The following UGT1A6 variants were observed in gnomAD, a reference collection of about 807,000 sequenced individuals.
UGT1A6 encodes UDP-glucuronosyltransferase 1A6.
Under a neutral mutation model 44.4 loss-of-function variants are expected in UGT1A6, and 32 were observed. The ratio of observed to expected loss-of-function variants is 0.72; its 90% CI spans 0.54 to 0.97. UGT1A6 has a LOEUF of 0.97. Ranked by LOEUF, UGT1A6 falls within the 50% of genes least tolerant of loss-of-function variation. The pLI, the probability that UGT1A6 is intolerant of heterozygous loss-of-function variation, is 0.00. For synonymous variants in UGT1A6, 238 were observed against 248.5 expected (o/e 0.96, Z 0.40); for missense variants, 685 against 661.9 (o/e 1.03, Z -0.38).
Position 233,724,346 on chromosome 2 carries a change from C to G in UGT1A6, c.861+30481C>G, listed in dbSNP as rs1441595042. On this transcript the variant is annotated intron_variant, in intron 1 of 4. Coordinates refer to ENST00000305139, the MANE Select transcript of UGT1A6 (RefSeq NM_001072.4). ...CTGGCCAGGCGGGGGGCTGACCCCC[C>G]CCACCTCCCTCCCGGACGGGGTGGC... 6.3e-4 allele frequency among the ~76,000 whole-genome samples: 93 copies of G among 148,184 alleles called. 1 individual carries two copies. The highest frequency in any genetic ancestry group is 1.0e-3 in the Non-Finnish European group (69 of 66,790).
chr2:233,715,559 C>T (rs1347075985), intron 1 of UGT1A6, among the ~76,000 whole-genome samples: 1 of 152,016 alleles, frequency 6.6e-6, no homozygotes, highest in South Asian at 2.1e-4. Context: ...ATTGCTTGAG[C>T]CCAGGAGTCT....
intron 1 of UGT1A6, chr2:233,747,707 A>C (rs1693758037): frequency 1.2e-6 from 2 of 1,612,800 alleles, no homozygotes; most frequent in East Asian, 4.5e-5. Context: ...CTAAGTACCT[A>C]TCAATTCCTG....
chr2:233,769,856 T>TAAA lies in UGT1A6; in HGVS notation c.1301+1417_1301+1418insAAA. ...CTGGGCAACAGAGTGAGACCCTGTCTCAAAAAAAAAAAAAAAAATGAAAAG... is the reference window on the plus strand; with the variant it reads ...CTGGGCAACAGAGTGAGACCCTGTCTAAACAAAAAAAAAAAAAAAAATGAAAAG... On this transcript the variant is annotated intron_variant, in intron 4 of 4. Transcript: ENST00000305139. This position sits in a 1 kb window ranked among gnomAD's most constrained non-coding sequence, Gnocchi z 4.4. 1 of 322,430 alleles carries TAAA rather than the reference T, an allele frequency of 3.1e-6. No individual in the cohort carries two copies. The highest frequency in any genetic ancestry group is 5.0e-6 in the Non-Finnish European group (1 of 199,342). 20.0% of individuals were successfully genotyped at this position (322,430 alleles called of 1,614,324 possible).
intron 1 of UGT1A6, among the ~76,000 whole-genome samples, chr2:233,735,045 C>G (rs2078601106): frequency 6.6e-6 from 1 of 152,170 alleles, no homozygotes; most frequent in Non-Finnish European, 1.5e-5. Flanking sequence ...TGGTGCAGAG[C>G]TGAGTTCAGG....
intron 1 of UGT1A6, among the ~76,000 whole-genome samples, chr2:233,731,166 GA>G (rs1244756545): frequency 7.9e-5 from 12 of 151,866 alleles, no homozygotes; most frequent in Admixed American, 3.3e-4. Flanking sequence ...CAAACGACAT[GA>G]TTTTTTTATG....
At chr2:233,767,994 T>G (rs1699541043) in intron 3 of UGT1A6, 58 bp downstream of exon 3, 2 of 1,614,136 alleles carry the variant, frequency 1.2e-6, no homozygotes, top group Non-Finnish European at 1.7e-6. Context: ...GAAAATGGCT[T>G]AAGCACAGCT....
chr2:233,717,780 T>A, intron 1 of UGT1A6: 2 of 456,414 alleles, frequency 4.4e-6, no homozygotes, highest in African/African-American at 2.0e-5. Flanking sequence ...ATTCTCCATT[T>A]TGAAATTTGA....
intron 1 of UGT1A6, chr2:233,708,380 G>C (rs2076016043): frequency 6.6e-6 from 1 of 152,024 alleles, no homozygotes; most frequent in African/African-American, 2.4e-5. Flanking sequence ...AACGTCTTTT[G>C]TGTGTGTGTG....
At chr2:233,734,729 GT>G (rs200668434) in intron 1 of UGT1A6, among the ~76,000 whole-genome samples, 10,395 of 152,166 alleles carry the variant, frequency 0.068, 499 homozygotes, top group East Asian at 0.2. Flanking sequence ...GTTCTCGTCG[GT>G]TTCAAAGAAC....
In UGT1A6 at chr2:233,772,418, T is replaced by C. The variant is rs768461412; in HGVS notation, c.1458T>C (p.His486=). The change falls in exon 5 of 5, where the codon CAT becomes CAC. Residue 486 remains histidine (H), a synonymous_variant. Transcript: ENST00000305139. ...ACGACCTCACCTGGTACCAGTACCA[T>C]TCCTTGGACGTGATTGGTTTCCTCT... ...AAHDLTWYQY[H]SLDVIGFLLA... 3 of 1,614,060 alleles carry C rather than the reference T, an allele frequency of 1.9e-6. No individual in the cohort carries two copies. In the Admixed American group the frequency reaches 5.0e-5, roughly 27 times the overall value.
chr2:233,703,466 A>ATTATTT lies in UGT1A6; in HGVS notation c.861+9603_861+9608dup, dbSNP rs1421893087. ...GTCGTTAATTTCCCCTCTATTCTTT[A>ATTATTT]TTATTTTCTGCCTTCTTGCTTTGTG... On this transcript the variant is annotated intron_variant, in intron 1 of 4. Transcript: ENST00000305139. Among the ~76,000 whole-genome samples the ATTATTT allele has an allele frequency of 6.6e-5, 10 of 151,422 alleles. No individual in the cohort carries two copies. The East Asian group carries it at 9.7e-4, about 15-fold the overall frequency.
intron 1 of UGT1A6, among the ~76,000 whole-genome samples, chr2:233,695,130 C>CTTTTCTTTCTTTTT (rs2075264545): frequency 7.2e-6 from 1 of 138,840 alleles, no homozygotes; most frequent in African/African-American, 2.7e-5. Flanking sequence ...CTTTTCTTTT[C>CTTTTCTTTCTTTTT]TTTTTTTTTT....
At chr2:233,729,213 A>G (rs760379481) in intron 1 of UGT1A6, 11 of 1,613,914 alleles carry the variant, frequency 6.8e-6, no homozygotes, top group Non-Finnish European at 8.5e-6. Context: ...CTGAGAGTGG[A>G]AAGGTGTTGG....
chr2:233,753,752 T>C (rs1695297434), intron 1 of UGT1A6: 1 of 152,236 alleles, frequency 6.6e-6, no homozygotes, highest in African/African-American at 2.4e-5. Context: ...TAGGACAGTT[T>C]TGCGTGGCCC....
chr2:233,760,393 G>A lies in UGT1A6; in HGVS notation c.862-6641G>A, dbSNP rs1697429657. The A allele has an allele frequency of 4.3e-6, 7 of 1,614,206 alleles. No homozygotes were observed. In the South Asian group the frequency reaches 5.5e-5, roughly 13 times the overall value. On this transcript the variant is annotated intron_variant, in intron 1 of 4. Transcript: ENST00000305139. The stretch of plus-strand genomic sequence containing the variant: ...TGGGAAGATACTGTTGATCCCAGTG[G>A]ATGGCAGCCACTGGCTGAGCATGCT...
At chr2:233,747,290 C>A (rs1693611361) in intron 1 of UGT1A6, 1 of 1,601,096 alleles carries the variant, frequency 6.2e-7, no homozygotes, top group Admixed American at 1.7e-5. Context: ...CAGCCCTGGG[C>A]TGAGAGTGGG....
At chr2:233,742,045 T>C (rs1691854275) in intron 1 of UGT1A6, 1 of 151,932 alleles carries the variant, frequency 6.6e-6, no homozygotes, top group South Asian at 2.1e-4. Context: ...AGCATAGCAA[T>C]AGGATAGTTC....
intron 1 of UGT1A6, among the ~76,000 whole-genome samples, chr2:233,765,948 C>T (rs1314751958): frequency 6.6e-6 from 1 of 152,116 alleles, no homozygotes; most frequent in African/African-American, 2.4e-5. Context: ...GCTCTGACCT[C>T]ACCGGCAGTG....
At chr2:233,715,323 T>A (rs1156310417) in intron 1 of UGT1A6, among the ~76,000 whole-genome samples, 1 of 152,206 alleles carries the variant, frequency 6.6e-6, no homozygotes, top group Non-Finnish European at 1.5e-5. Context: ...TTATACATAG[T>A]GATTAGATTG....
Sources: allele counts gnomAD v4.1 joint callset (sites outside exome capture counted in the v4.1 genomes callset), GRCh38; gene constraint gnomAD v4.1.1; non-coding constraint Gnocchi (gnomAD v3.1); transcripts MANE v1.5; gene names NCBI Gene and HGNC (gene_info 2026-07-23, HGNC 2026-07-21).